SLC7A2: variants seen among roughly 807,000 people sequenced by gnomAD.
SLC7A2 encodes the protein cationic amino acid transporter 2.
A neutral mutation model predicts 58.9 loss-of-function variants in SLC7A2; 48 were observed. The observed-to-expected ratio is 0.82, with a 90% CI of 0.65 to 1.04. The LOEUF is 1.04. SLC7A2 is among the 50% of genes least tolerant of loss of function. SLC7A2 has a pLI of 0.00. For missense variants in SLC7A2, 1,029 were observed against 818.8 expected, an observed-to-expected ratio of 1.26 and a Z score of -3.13; for synonymous variants, 363 against 314.5, an observed-to-expected ratio of 1.15 and a Z score of -1.63.
chr8:17,497,535 G>C (rs1000573789), intron 1 of SLC7A2, among the ~76,000 whole-genome samples: 2 of 152,176 alleles, frequency 1.3e-5, no homozygotes, highest in African/African-American at 4.8e-5. Context: ...GGCTCTGCCC[G>C]GGGACTTCGG....
At chr8:17,562,353 C>T (rs1489087843) in intron 11 of SLC7A2, among the ~76,000 whole-genome samples, 2 of 151,674 alleles carry the variant, frequency 1.3e-5, no homozygotes, top group Non-Finnish European at 1.5e-5. Context: ...CACAGGTGCA[C>T]GCCACCACAC....
At position 17,542,657 on chromosome 8, in the gene SLC7A2, A is replaced by AAAAAAAAAAAAAG. The variant is rs78569276; in HGVS notation, c.-22-658_-22-657insAAAAAAAAAGAAA. Among the ~76,000 whole-genome samples the AAAAAAAAAAAAAG allele has an allele frequency of 1.0e-3, 152 of 150,140 alleles. 2 individuals carry two copies. Among genetic ancestry groups the AAAAAAAAAAAAAG allele is most frequent in the South Asian group, 3.3e-3 (16 of 4,802 alleles). ...CAGAGTGAGACCCTGTCTCAAAAAA[A>AAAAAAAAAAAAAG]AAAGAAAAAGAACCTGAGTTAAATG... On this transcript the variant is annotated intron_variant, in intron 2 of 12. Coordinates refer to ENST00000494857, the MANE Select transcript of SLC7A2 (RefSeq NM_001370338.1).
intron 8 of SLC7A2, among the ~76,000 whole-genome samples, chr8:17,555,584 T>C (rs1434489475): frequency 6.6e-6 from 1 of 152,214 alleles, no homozygotes; most frequent in East Asian, 1.9e-4. Flanking sequence ...AGATGATTTA[T>C]GCTTGGCCCT....
intron 12 of SLC7A2, among the ~76,000 whole-genome samples, chr8:17,564,663 A>G (rs1803177512): frequency 6.6e-6 from 1 of 152,134 alleles, no homozygotes; most frequent in Admixed American, 6.5e-5. Flanking sequence ...TGAGAATCTA[A>G]TGCTGCCCTG....
intron 12 of SLC7A2, among the ~76,000 whole-genome samples, chr8:17,564,653 T>G (rs977960858): frequency 8.5e-5 from 13 of 152,052 alleles, no homozygotes; most frequent in African/African-American, 3.1e-4. Context: ...GTCCCTTCTG[T>G]GAGAATCTAA....
chr8:17,496,180 G>C (rs894618833), upstream of SLC7A2, among the ~76,000 whole-genome samples: 34 of 152,094 alleles, frequency 2.2e-4, 1 homozygote, highest in African/African-American at 7.2e-4. Context: ...GTAATTCTCA[G>C]CCTGGTGGCT....
upstream of SLC7A2, among the ~76,000 whole-genome samples, chr8:17,494,753 G>C (rs1799917574): frequency 6.6e-6 from 1 of 152,184 alleles, no homozygotes; most frequent in South Asian, 2.1e-4. Context: ...GCAGGATTCA[G>C]GGTTAATCAA....
chr8:17,501,622 C>G (rs1800163542), intron 1 of SLC7A2, among the ~76,000 whole-genome samples: 1 of 151,976 alleles, frequency 6.6e-6, no homozygotes, highest in Non-Finnish European at 1.5e-5. Flanking sequence ...ACTTTATACA[C>G]CCAAGACTGA....
rs1471391403 is a variant in SLC7A2 at position 17,560,785 on chromosome 8, G to T, written c.1504+252G>T. Reference sequence around the variant, plus strand: ...ACGAGAGTGACAGAAATACAAACTGGCACATTCATTAGAGGTTAGGATGCC... The same window carrying T: ...ACGAGAGTGACAGAAATACAAACTGTCACATTCATTAGAGGTTAGGATGCC... On this transcript the variant is annotated intron_variant, in intron 10 of 12. Transcript: ENST00000494857. Among the ~76,000 whole-genome samples, 5 of 152,218 alleles carry T rather than the reference G, an allele frequency of 3.3e-5. No individual in the cohort carries two copies. The South Asian group carries it at 6.2e-4, about 19-fold the overall frequency.
rs144637620 is a variant in SLC7A2, at chr8:17,550,373, G to A, written c.771G>A (p.Thr257=). The A allele has an allele frequency of 7.2e-5, 116 of 1,614,044 alleles. No individual in the cohort carries two copies. Among genetic ancestry groups the A allele is most frequent in the African/African-American group, 4.7e-4 (35 of 75,022 alleles). Residue 257 remains threonine, a synonymous_variant, in exon 6 of 13, where the codon ACG becomes ACA. Coordinates refer to ENST00000494857, the MANE Select transcript of SLC7A2 (RefSeq NM_001370338.1). ...TTATGCCTTATGGCTTTACGGGAAC[G>A]TTGGCTGGTGCTGCAACTTGCTTTT... is the stretch of plus-strand genomic sequence containing the variant. ...GGFMPYGFTG[T]LAGAATCFYA... is the part of the protein sequence containing the mutation.
At chr8:17,551,731 A>G in intron 6 of SLC7A2, 33 bp from the exon 7 acceptor site, 2 of 1,451,208 alleles carry the variant, frequency 1.4e-6, no homozygotes, top group South Asian at 2.3e-5. Flanking sequence ...ATGTTTTATT[A>G]AGCATACACA....
Position 17,560,447 on chromosome 8 carries a change from G to A in SLC7A2, c.1418G>A (p.Gly473Asp). ...CAGGTCACCATGCTGCAGAGACAGG[G>A]CTTCAGCATGCGGACCCTCTTCTGC... is the stretch of plus-strand genomic sequence containing the variant. ...ESQVTMLQRQ[G>D]FSMRTLFCPS... Residue 473 changes from glycine (G) to aspartate (D), a missense_variant, in exon 10 of 13, where the codon GGC (glycine) becomes GAC (aspartate). By Grantham distance (94) the Gly-to-Asp change is moderately conservative (BLOSUM62 -1). Transcript: ENST00000494857. 1.2e-6 allele frequency: 2 copies of A among 1,613,980 alleles called. No individual in the cohort carries two copies. Among genetic ancestry groups the A allele is most frequent in the East Asian group, 2.2e-5 (1 of 44,882 alleles).
chr8:17,532,223 CT>C, intron 2 of SLC7A2, among the ~76,000 whole-genome samples: 1 of 84,490 alleles, frequency 1.2e-5, no homozygotes, highest in East Asian at 4.0e-4. Flanking sequence ...GGGCAAGACT[CT>C]ATCTCAAAAA....
intron 2 of SLC7A2, among the ~76,000 whole-genome samples, chr8:17,503,965 C>T (rs1224919777): frequency 6.6e-6 from 1 of 152,146 alleles, no homozygotes; most frequent in Non-Finnish European, 1.5e-5. Flanking sequence ...CAGCAACACT[C>T]AGGTGTGTTT....
intron 2 of SLC7A2, among the ~76,000 whole-genome samples, chr8:17,512,621 GTT>G: frequency 6.6e-6 from 1 of 151,902 alleles, no homozygotes; most frequent in Middle Eastern, 3.4e-3. Flanking sequence ...CTCATGGTGG[GTT>G]TTTTTCCCCC....
intron 11 of SLC7A2, 68 bp downstream of exon 11, chr8:17,562,178 GTATTTTTTTTTTTTTTTTTT>G: frequency 2.1e-6 from 1 of 478,208 alleles, no homozygotes. Context: ...AGTTTGGTAA[GTATTTTTTTTTTTTTTTTTT>G]TTTTTTTTTT....
In SLC7A2 at chr8:17,506,498, C is replaced by T. The variant is rs138345200; in HGVS notation, c.-23+4196C>T. Among the ~76,000 whole-genome samples the T allele has an allele frequency of 6.6e-3, 1,008 of 152,294 alleles. 7 individuals carry two copies. Among genetic ancestry groups the T allele is most frequent in the African/African-American group, 0.023 (946 of 41,560 alleles). On this transcript the variant is annotated intron_variant, in intron 2 of 12. Coordinates refer to ENST00000494857, the MANE Select transcript of SLC7A2 (RefSeq NM_001370338.1). ...TCAGAGGCTTTGGACACGTTCCTTTCTAGCCTCCCTCGCCGTGGACAGTTA... is the reference window on the plus strand; with the variant it reads ...TCAGAGGCTTTGGACACGTTCCTTTTTAGCCTCCCTCGCCGTGGACAGTTA...
chr8:17,525,556 C>A (rs975443945), intron 2 of SLC7A2, among the ~76,000 whole-genome samples: 2 of 152,036 alleles, frequency 1.3e-5, no homozygotes, highest in Admixed American at 6.6e-5. Context: ...AGTGGCGAGT[C>A]CTGAGGGAGG....
At position 17,564,725 on chromosome 8, in the gene SLC7A2, G is replaced by A. The variant is rs118013159; in HGVS notation, c.1781-225G>A. On this transcript the variant is annotated intron_variant, in intron 12 of 12. Coordinates refer to ENST00000494857, the MANE Select transcript of SLC7A2 (RefSeq NM_001370338.1). ...GTAATGTTCACAATGGGGAGTGGCT[G>A]TAAATACACTGTAAATACTAGAGAC... Among the ~76,000 whole-genome samples the A allele has an allele frequency of 5.0e-3, 755 of 152,268 alleles. 2 individuals carry two copies. Among genetic ancestry groups the A allele is most frequent in the Middle Eastern group, 0.014 (4 of 294 alleles).
Sources: allele counts gnomAD v4.1 joint callset (sites outside exome capture counted in the v4.1 genomes callset), GRCh38; gene constraint gnomAD v4.1.1; transcripts MANE v1.5; gene names NCBI Gene and HGNC (gene_info 2026-07-23, HGNC 2026-07-21).